The following CNBD1 variants were observed in gnomAD, a reference collection of about 807,000 sequenced individuals.
The protein encoded by CNBD1 is cyclic nucleotide binding domain containing 1.
CNBD1 carries 71 observed loss-of-function variants against 54.4 expected under a neutral mutation model. The ratio of observed to expected loss-of-function variants is 1.30; its 90% CI spans 1.08 to 1.59. The LOEUF is 1.59. CNBD1 is among the 40% of genes most tolerant of loss of function. CNBD1 has a pLI of 0.00. For synonymous variants in CNBD1, 182 were observed against 170.7 expected, an observed-to-expected ratio of 1.07 and a Z score of -0.51; for missense variants, 659 against 518.0, an observed-to-expected ratio of 1.27 and a Z score of -2.64.
At chr8:87,327,703 G>C (rs755205747) in intron 8 of CNBD1, among the ~76,000 whole-genome samples, 121 of 152,228 alleles carry the variant, frequency 7.9e-4, no homozygotes, top group Non-Finnish European at 1.5e-3. Flanking sequence ...CCCACTGTCT[G>C]GCACTTCCTA....
chr8:87,222,892 G>C (rs1416646942), intron 5 of CNBD1, among the ~76,000 whole-genome samples: 2 of 152,046 alleles, frequency 1.3e-5, no homozygotes, highest in African/African-American at 4.8e-5. Flanking sequence ...GTCCTCATGA[G>C]AATGGTTCTT....
intron 3 of CNBD1, among the ~76,000 whole-genome samples, chr8:86,924,093 T>C (rs773527031): frequency 5.3e-5 from 8 of 152,204 alleles, no homozygotes; most frequent in Non-Finnish European, 8.8e-5. Flanking sequence ...TGTACCTCCC[T>C]ATGTCCTTAA....
At chr8:87,244,202 G>A (rs1031012940) in intron 6 of CNBD1, among the ~76,000 whole-genome samples, 2 of 151,840 alleles carry the variant, frequency 1.3e-5, no homozygotes, top group Non-Finnish European at 2.9e-5. Flanking sequence ...GAAGTAGGGA[G>A]GGGGCTTCCA....
chr8:87,422,085 G>A (rs1807949811), intron 2 of CNBD1, among the ~76,000 whole-genome samples: 1 of 144,950 alleles, frequency 6.9e-6, no homozygotes, highest in Non-Finnish European at 1.5e-5. Flanking sequence ...TTTGAGAAGT[G>A]TCTGTTCATA....
chr8:87,287,247 G>A (rs950992085), intron 8 of CNBD1, among the ~76,000 whole-genome samples: 1 of 152,014 alleles, frequency 6.6e-6, no homozygotes, highest in African/African-American at 2.4e-5. Context: ...AGGTGGTATT[G>A]AGTCATTTTG....
At chr8:87,123,088 T>A (rs1342929797) in intron 4 of CNBD1, among the ~76,000 whole-genome samples, 1 of 151,846 alleles carries the variant, frequency 6.6e-6, no homozygotes, top group African/African-American at 2.4e-5. Flanking sequence ...AGAAATGCAT[T>A]GGAATTTTGA....
Position 87,205,937 on chromosome 8 carries a change from T to C in CNBD1, c.432-56T>C, listed in dbSNP as rs565631408. 3.6e-5 allele frequency: 48 copies of C among 1,330,086 alleles called. 1 individual carries two copies. The African/African-American group carries it at 6.9e-4, about 19-fold the overall frequency. 82.4% of individuals were successfully genotyped at this position (1,330,086 alleles called of 1,614,324 possible). A position where few individuals can be genotyped will look rare whatever the true frequency, so the allele number is the denominator to read the frequency against. ...GAAACTTAAAAATTAAGGATCTGTT[T>C]GTTTCTTTGCATTTATGCCATGGTC... On this transcript the variant is annotated intron_variant, in intron 4 of 10. Coordinates refer to ENST00000518476, the MANE Select transcript of CNBD1 (RefSeq NM_173538.3).
chr8:87,329,763 A>C (rs1043574246), intron 8 of CNBD1, among the ~76,000 whole-genome samples: 1 of 151,960 alleles, frequency 6.6e-6, no homozygotes, highest in Admixed American at 6.6e-5. Flanking sequence ...CGCAACCCTT[A>C]TATATTATCC....
chr8:87,066,338 T>C (rs1009969058), intron 4 of CNBD1, among the ~76,000 whole-genome samples: 1 of 151,020 alleles, frequency 6.6e-6, no homozygotes, highest in Non-Finnish European at 1.5e-5. Context: ...GTTACATAGT[T>C]ACACTACCCC....
intron 4 of CNBD1, among the ~76,000 whole-genome samples, chr8:86,954,257 A>C (rs1241648348): frequency 6.6e-6 from 1 of 152,214 alleles, no homozygotes; most frequent in Non-Finnish European, 1.5e-5. Context: ...AAAAAATAAA[A>C]CCTTACAGAC....
intron 6 of CNBD1, among the ~76,000 whole-genome samples, chr8:87,255,520 A>T (rs1807992975): frequency 6.6e-6 from 1 of 152,108 alleles, no homozygotes; most frequent in Non-Finnish European, 1.5e-5. Flanking sequence ...AGATTTGATA[A>T]TCTTAAATAT....
At chr8:87,106,789 G>A (rs1004083114) in intron 4 of CNBD1, among the ~76,000 whole-genome samples, 18 of 151,956 alleles carry the variant, frequency 1.2e-4, no homozygotes, top group Admixed American at 7.2e-4. Context: ...TAATGTAGAT[G>A]TTCTCCACTA....
chr8:87,110,076 C>A (rs1240916418), intron 4 of CNBD1, among the ~76,000 whole-genome samples: 1 of 152,174 alleles, frequency 6.6e-6, no homozygotes, highest in Non-Finnish European at 1.5e-5. Flanking sequence ...TCTTCCCACA[C>A]ACAGTGAATG....
chr8:87,326,709 AT>A (rs1809676305), intron 8 of CNBD1, among the ~76,000 whole-genome samples: 1 of 92,276 alleles, frequency 1.1e-5, no homozygotes, highest in African/African-American at 4.1e-5. Flanking sequence ...ATTCTTCTAA[AT>A]TTTTTTCAAA....
intron 8 of CNBD1, among the ~76,000 whole-genome samples, chr8:87,329,976 A>G (rs968173621): frequency 6.6e-6 from 1 of 151,990 alleles, no homozygotes; most frequent in Non-Finnish European, 1.5e-5. Flanking sequence ...TCTTTATCTT[A>G]GTAGAAATAC....
At chr8:87,358,992 A>G (rs1483287699) in intron 10 of CNBD1, among the ~76,000 whole-genome samples, 1 of 152,160 alleles carries the variant, frequency 6.6e-6, no homozygotes, top group East Asian at 1.9e-4. Context: ...TAATTCATCT[A>G]CTGATTCAAA....
intron 2 of CNBD1, among the ~76,000 whole-genome samples, chr8:86,901,741 GA>G (rs1371241183): frequency 1.3e-5 from 2 of 152,174 alleles, no homozygotes; most frequent in African/African-American, 4.8e-5. Flanking sequence ...AGCTGGATGG[GA>G]AAAGGACATT....
At chr8:86,949,314 G>A (rs1807547229) in intron 4 of CNBD1, among the ~76,000 whole-genome samples, 1 of 152,102 alleles carries the variant, frequency 6.6e-6, no homozygotes, top group Non-Finnish European at 1.5e-5. Flanking sequence ...GATAGAGATT[G>A]CATTGAATCT....
chr8:87,174,480 C>T (rs1813157267), intron 4 of CNBD1, among the ~76,000 whole-genome samples: 1 of 152,122 alleles, frequency 6.6e-6, no homozygotes, highest in African/African-American at 2.4e-5. Flanking sequence ...AATTCCTTCT[C>T]TGTGTTATCT....
Sources: allele counts gnomAD v4.1 joint callset (sites outside exome capture counted in the v4.1 genomes callset), GRCh38; gene constraint gnomAD v4.1.1; transcripts MANE v1.5; gene names NCBI Gene and HGNC (gene_info 2026-07-23, HGNC 2026-07-21).